Variants in EIF4ENIF1 observed in about 807,000 individuals in gnomAD.
EIF4ENIF1 encodes the protein eukaryotic translation initiation factor 4E nuclear import factor 1, also known as eukaryotic translation initiation factor 4E transporter.
EIF4ENIF1 carries 23 observed loss-of-function variants against 110.5 expected under a neutral mutation model. The ratio of observed to expected loss-of-function variants is 0.21; its 90% confidence interval spans 0.15 to 0.29. The LOEUF (loss-of-function observed/expected upper bound fraction) is 0.29. Ranked by LOEUF, EIF4ENIF1 falls within the 10% of genes least tolerant of loss-of-function variation. The probability of loss-of-function intolerance (pLI) is 1.00; values close to 1 mark genes in which losing one functional copy is unlikely to be tolerated. For missense variants in EIF4ENIF1, 1,031 were observed against 1,221.1 expected (o/e 0.84, Z 2.32); for synonymous variants, 440 against 437.0 (o/e 1.01, Z -0.09).
At chr22:31,465,074 A>G (rs2051139078) in intron 4 of EIF4ENIF1, among the ~76,000 whole-genome samples, 1 of 152,134 alleles carries the variant, frequency 6.6e-6, no homozygotes, top group South Asian at 2.1e-4. Context: ...CTGTAATCCC[A>G]GCACTTTGGG....
chr22:31,440,706 G>A lies in EIF4ENIF1; in HGVS notation c.2714C>T (p.Ser905Leu), dbSNP rs754374124. The change falls in exon 18 of 19, where the codon TCA becomes TTA. Residue 905 changes from serine to leucine, a missense_variant and splice_region_variant. This residue lies in a region of EIF4ENIF1 where 309 missense variants were observed against 299.1 expected (regional missense o/e 1.03). Coordinates refer to ENST00000330125, the MANE Select transcript of EIF4ENIF1 (RefSeq NM_019843.4). ...ACCTGTCACATTCCTGAACCTACCT[G>A]AGCGCTGTAGCTGCTGTTGCACCAT... is the stretch of plus-strand genomic sequence containing the variant. Reference protein sequence around the residue: ...LAMVQQQLQRSVLHPPGSGSH... With the variant: ...LAMVQQQLQRLVLHPPGSGSH... The A allele has an allele frequency of 6.2e-7, 1 of 1,613,676 alleles. No homozygotes were observed. The highest frequency in any genetic ancestry group is 1.1e-5 in the South Asian group (1 of 91,064).
At chr22:31,438,980 A>AGAGT (rs1483650992), downstream of EIF4ENIF1, among the ~76,000 whole-genome samples, 1 of 152,198 alleles carries the variant, frequency 6.6e-6, no homozygotes, top group African/African-American at 2.4e-5. Flanking sequence ...TCTGCCTCCC[A>AGAGT]GAGTGCTGAG....
At chr22:31,466,489 A>G (rs905347048) in intron 4 of EIF4ENIF1, among the ~76,000 whole-genome samples, 1 of 151,196 alleles carries the variant, frequency 6.6e-6, no homozygotes, top group African/African-American at 2.4e-5. Context: ...AGCTGAGGCA[A>G]GACAATCGCT....
rs1436029669 is a variant in EIF4ENIF1, at chr22:31,456,754, A to G, written c.964-767T>C. 4.0e-5 allele frequency among the ~76,000 whole-genome samples: 6 copies of G among 150,054 alleles called. No individual in the cohort carries two copies. The East Asian group carries it at 1.2e-3, about 30-fold the overall frequency. On this transcript the variant is annotated intron_variant, in intron 7 of 18. Transcript: ENST00000330125. ...AGGCTTGTCTCGAACTTCTGACCTC[A>G]AATGATCCACCTGCCTTGGCCTCCC... is the stretch of plus-strand genomic sequence containing the variant.
intron 2 of EIF4ENIF1, among the ~76,000 whole-genome samples, chr22:31,476,666 G>A (rs1020471753): frequency 1.2e-4 from 18 of 152,048 alleles, no homozygotes; most frequent in South Asian, 2.1e-4. Flanking sequence ...AGGCCAAGGC[G>A]GGTGGATCAC....
At position 31,483,549 on chromosome 22, in the gene EIF4ENIF1, A is replaced by G. The variant is rs151252153; in HGVS notation, c.96+5074T>C. Among the ~76,000 whole-genome samples, 354 of 152,214 alleles carry G rather than the reference A, an allele frequency of 2.3e-3. 4 individuals carry two copies. In the Middle Eastern group the frequency reaches 0.034, roughly 15 times the overall value. On this transcript the variant is annotated intron_variant, in intron 2 of 18. Coordinates refer to ENST00000330125, the MANE Select transcript of EIF4ENIF1 (RefSeq NM_019843.4). ...CCAATGGTTCTCAAACTTGAACCAG[A>G]GCCAGAATCCCCTGAAGAGCTTGTT...
chr22:31,492,774 C>T (rs1451413742), upstream of EIF4ENIF1, among the ~76,000 whole-genome samples: 2 of 152,194 alleles, frequency 1.3e-5, no homozygotes, highest in African/African-American at 4.8e-5. Flanking sequence ...CTGTATCGCC[C>T]AGGCTGGAGT....
intron 2 of EIF4ENIF1, among the ~76,000 whole-genome samples, chr22:31,486,957 G>A (rs144449593): frequency 3.0e-3 from 452 of 150,222 alleles, no homozygotes; most frequent in Non-Finnish European, 4.4e-3. Context: ...ATGTTGACGC[G>A]TGCCTGTAAT....
intron 3 of EIF4ENIF1, 40 bp from the exon 4 acceptor site, chr22:31,468,342 T>C (rs745989284): frequency 1.9e-6 from 3 of 1,613,516 alleles, no homozygotes; most frequent in Admixed American, 3.3e-5. Flanking sequence ...CTTACGCCCA[T>C]GAACCATATA....
At chr22:31,445,041 A>C (rs2050418910) in intron 14 of EIF4ENIF1, among the ~76,000 whole-genome samples, 2 of 152,224 alleles carry the variant, frequency 1.3e-5, no homozygotes, top group South Asian at 4.1e-4. Context: ...CCTGGGGAAG[A>C]AGCTGCATTC....
chr22:31,477,236 T>C (rs981263168), intron 2 of EIF4ENIF1, among the ~76,000 whole-genome samples: 7 of 151,508 alleles, frequency 4.6e-5, no homozygotes, highest in Non-Finnish European at 1.0e-4. Flanking sequence ...TGATGGCGCA[T>C]GCCTGTAATC....
rs778142005 is a variant in EIF4ENIF1 at position 31,450,327 on chromosome 22, C to G, written c.1546G>C (p.Glu516Gln). ...TTAGGGACAGGCTGGCCTGGAATCT[C>G]AGCAGGGGACATCAAATGGCTTTCA... ...NLESHLMSPAEIPGQPVPKNI... is the reference protein window; with the variant it reads ...NLESHLMSPAQIPGQPVPKNI... The change falls in exon 11 of 19, where the codon GAG (glutamate) becomes CAG (glutamine). Residue 516 changes from glutamate to glutamine, a missense_variant. Around this residue, in one of 3 missense-constraint regions of EIF4ENIF1, gnomAD observed 704 missense variants for 879.7 expected, o/e 0.80. Transcript: ENST00000330125. 1.2e-6 allele frequency: 2 copies of G among 1,613,652 alleles called. No individual in the cohort carries two copies. The highest frequency in any genetic ancestry group is 1.7e-6 in the Non-Finnish European group (2 of 1,179,670).
chr22:31,443,009 T>C lies in EIF4ENIF1; in HGVS notation c.2159A>G (p.Lys720Arg), dbSNP rs1004064485. The C allele has an allele frequency of 6.2e-7, 1 of 1,614,170 alleles. No homozygotes were observed. Reference sequence around the variant, plus strand: ...CTCTTTACTGTCACCAAGAGCTGCTTTTCCAGATGCTGGCTCCTCCTTGCT... The same window carrying C: ...CTCTTTACTGTCACCAAGAGCTGCTCTTCCAGATGCTGGCTCCTCCTTGCT... The part of the protein sequence containing the change: ...EKSKEEPASG[K>R]AALGDSKEDT... Residue 720 changes from lysine (K) to arginine (R), a missense_variant, in exon 16 of 19, where the codon AAA becomes AGA. By Grantham distance (26) the Lys-to-Arg change is conservative. Around this residue, in one of 3 missense-constraint regions of EIF4ENIF1, gnomAD observed 309 missense variants for 299.1 expected, o/e 1.03. Coordinates refer to ENST00000330125, the MANE Select transcript of EIF4ENIF1 (RefSeq NM_019843.4).
intron 12 of EIF4ENIF1, 69 bp from the exon 13 acceptor site, chr22:31,448,301 T>C (rs978768136): frequency 3.1e-5 from 45 of 1,462,240 alleles, no homozygotes; most frequent in Admixed American, 5.0e-5. Flanking sequence ...TTTTCATTAA[T>C]GCATGACATT....
At chr22:31,489,037 AC>A (rs1475336387) in intron 1 of EIF4ENIF1, 1 of 262,090 alleles carries the variant, frequency 3.8e-6, no homozygotes, top group Non-Finnish European at 7.4e-6. Context: ...AGTAGCTGCC[AC>A]CCATGGGGAT....
chr22:31,455,563 T>G (rs1446420294), intron 8 of EIF4ENIF1, among the ~76,000 whole-genome samples: 4 of 152,108 alleles, frequency 2.6e-5, no homozygotes, highest in African/African-American at 9.7e-5. Context: ...CACGCCTGGC[T>G]GATTTTTGTA....
chr22:31,481,597 G>C (rs544717703), intron 2 of EIF4ENIF1, among the ~76,000 whole-genome samples: 1 of 152,276 alleles, frequency 6.6e-6, no homozygotes, highest in South Asian at 2.1e-4. Flanking sequence ...GGGACCACCT[G>C]ATTCCTGTTT....
At position 31,444,342 on chromosome 22, in the gene EIF4ENIF1, A is replaced by G. The variant is rs1008005906; in HGVS notation, c.2073+264T>C. Reference sequence around the variant, plus strand: ...CCCCACACCTGGTTCATTTCTTTGAACATACTATATCACCTCGTGTGCCCT... The same window carrying G: ...CCCCACACCTGGTTCATTTCTTTGAGCATACTATATCACCTCGTGTGCCCT... On this transcript the variant is annotated intron_variant, in intron 15 of 18. Coordinates refer to ENST00000330125, the MANE Select transcript of EIF4ENIF1 (RefSeq NM_019843.4). The G allele has an allele frequency of 8.7e-5, 31 of 356,794 alleles. No homozygotes were observed. The Admixed American group carries it at 1.2e-3, about 13-fold the overall frequency. 22.1% of individuals were successfully genotyped at this position (356,794 alleles called of 1,614,324 possible).
intron 10 of EIF4ENIF1, chr22:31,450,896 A>ACACACTCAC (rs747824280): frequency 8.7e-6 from 1 of 115,368 alleles, no homozygotes; most frequent in African/African-American, 3.4e-5. Flanking sequence ...CACACACACA[A>ACACACTCAC]AAGAGACAGG....
Sources: gnomAD v4.1 joint callset for allele counts (sites outside exome capture counted in the v4.1 genomes callset) on GRCh38, gnomAD v4.1.1 for gene constraint, gnomAD v4.1.1 regional missense constraint, MANE v1.5 for transcripts, NCBI Gene and HGNC (gene_info 2026-07-23, HGNC 2026-07-21) for gene names.